The following ALPK3 variants were observed in gnomAD, a reference collection of about 807,000 sequenced individuals.
The protein encoded by ALPK3 is alpha kinase 3.
In ALPK3, 102 loss-of-function variants were observed where a neutral mutation model predicts 140.0. The observed-to-expected ratio is 0.73, with a 90% CI of 0.62 to 0.86. ALPK3 has a LOEUF of 0.86. Among genes scored for constraint, ALPK3 ranks in the 40% least tolerant of loss-of-function variants. The pLI is 0.00. For missense variants in ALPK3, 2,254 were observed against 2,208.2 expected (o/e 1.02, Z -0.42); for synonymous variants, 938 against 898.5 (o/e 1.04, Z -0.79).
At chr15:84,824,554 C>T (rs1279623725) in intron 2 of ALPK3, among the ~76,000 whole-genome samples, 3 of 152,162 alleles carry the variant, frequency 2.0e-5, no homozygotes, top group African/African-American at 4.8e-5. Context: ...GTCCATGGTC[C>T]TTGATGGGGA....
At chr15:84,839,612 G>T in intron 4 of ALPK3, 90 bp from the exon 5 acceptor site, 1 of 1,419,210 alleles carries the variant, frequency 7.0e-7, no homozygotes, top group Non-Finnish European at 9.5e-7. Flanking sequence ...AGGGGGAAGT[G>T]TGCCCGGCTC....
At chr15:84,843,072 G>A (rs1405071741) in intron 5 of ALPK3, among the ~76,000 whole-genome samples, 1 of 152,214 alleles carries the variant, frequency 6.6e-6, no homozygotes, top group East Asian at 1.9e-4. Context: ...AGAGGAGGAA[G>A]TACCAGCCCC....
In ALPK3 at chr15:84,838,976, T is replaced by A. The variant is rs749206428; in HGVS notation, c.305-4T>A. 3.1e-6 allele frequency: 5 copies of A among 1,613,284 alleles called. No individual in the cohort carries two copies. The South Asian group carries it at 5.5e-5, about 18-fold the overall frequency. On this transcript the variant is annotated splice_region_variant and splice_polypyrimidine_tract_variant and intron_variant, in intron 3 of 13. Coordinates refer to ENST00000258888, the MANE Select transcript of ALPK3 (RefSeq NM_020778.5). ...TGTAACCCAGTCTCCTGCTTCTTTC[T>A]CAGGATACCCAGAGCCAGAGGTGAC...
At chr15:84,855,382 T>C (rs1026986952) in intron 5 of ALPK3, among the ~76,000 whole-genome samples, 1 of 152,192 alleles carries the variant, frequency 6.6e-6, no homozygotes, top group Admixed American at 6.5e-5. Context: ...TCTGTTGGCT[T>C]TTGGCAGCTG....
chr15:84,819,648 C>T (rs1168340911), intron 1 of ALPK3, among the ~76,000 whole-genome samples: 1 of 152,200 alleles, frequency 6.6e-6, no homozygotes, highest in Non-Finnish European at 1.5e-5. Flanking sequence ...GAAAGACAGT[C>T]CCTCGAGAAT....
At chr15:84,852,234 A>G (rs1308072712) in intron 5 of ALPK3, among the ~76,000 whole-genome samples, 1 of 152,212 alleles carries the variant, frequency 6.6e-6, no homozygotes, top group Non-Finnish European at 1.5e-5. Flanking sequence ...AATAATGGTT[A>G]CTTGCACGCA....
rs1415475314 is a variant in ALPK3 at position 84,817,514 on chromosome 15, G to A, written c.62G>A (p.Gly21Asp). 1 of 1,478,106 alleles carries A rather than the reference G, an allele frequency of 6.8e-7. No homozygotes were observed. Among genetic ancestry groups the A allele is most frequent in the Admixed American group, 2.3e-5 (1 of 43,564 alleles). The allele number at this position is 1,478,106 out of a possible 1,614,324, so 91.6% of individuals were successfully genotyped here. The change falls in exon 1 of 14, where the codon GGC becomes GAC. Residue 21 changes from glycine to aspartate, a missense_variant. Gly to Asp is a moderately conservative substitution (Grantham distance 94). Around this residue, in one of 3 missense-constraint regions of ALPK3, gnomAD observed 2,088 missense variants for 2,022.9 expected, o/e 1.03. Transcript: ENST00000258888. ...GCGGGTGGGCGGTCGGGGGCGGGGG[G>A]CGACGGTGAGGACGACGGCCCCGTG... ...WGAGGRSGAG[G>D]DGEDDGPVWI...
chr15:84,871,664 C>T lies in ALPK3; in HGVS notation c.*3208C>T, dbSNP rs920735166. On this transcript the variant is annotated 3_prime_UTR_variant, in exon 14 of 14. Coordinates refer to ENST00000258888, the MANE Select transcript of ALPK3 (RefSeq NM_020778.5). The stretch of plus-strand genomic sequence containing the variant: ...GCCGGCTCCAAGCGCATGCTGCCTC[C>T]TGCAGGCCTGACCCAGCCTCTCGGG... 2.0e-5 allele frequency: 3 copies of T among 152,378 alleles called. No individual in the cohort carries two copies. The highest frequency in any genetic ancestry group is 2.9e-5 in the Non-Finnish European group (2 of 68,062). 9.4% of individuals were successfully genotyped at this position (152,378 alleles called of 1,614,324 possible). A position where few individuals can be genotyped will look rare whatever the true frequency, so the allele number is the denominator to read the frequency against.
chr15:84,823,006 C>A (rs993278341), intron 1 of ALPK3, among the ~76,000 whole-genome samples: 2 of 152,260 alleles, frequency 1.3e-5, no homozygotes, highest in Admixed American at 6.5e-5. Context: ...ACATGCCAGG[C>A]AGCTGTAAGC....
Position 84,858,192 on chromosome 15 carries a change from C to G in ALPK3, c.3454C>G (p.Pro1152Ala), listed in dbSNP as rs780056277. ...KFPGEALTGL[P>A]AATPEELALG... ...CCCAGGGGAGGCTCTGACAGGTCTC[C>G]CGGCAGCTACACCTGAGGAACTGGC... Residue 1152 changes from proline (P) to alanine (A), a missense_variant, in exon 6 of 14, where the codon CCG becomes GCG. This residue lies in a region of ALPK3 where 2,088 missense variants were observed against 2,022.9 expected (regional missense o/e 1.03). Coordinates refer to ENST00000258888, the MANE Select transcript of ALPK3 (RefSeq NM_020778.5). The G allele has an allele frequency of 2.4e-5, 39 of 1,612,386 alleles. No individual in the cohort carries two copies. The highest frequency in any genetic ancestry group is 3.3e-5 in the Admixed American group (2 of 59,814).
intron 9 of ALPK3, among the ~76,000 whole-genome samples, chr15:84,860,502 T>C (rs1963930678): frequency 6.6e-6 from 1 of 152,146 alleles, no homozygotes; most frequent in African/African-American, 2.4e-5. Context: ...CCTAGGAATA[T>C]TGCGTTTTCA....
At position 84,871,706 on chromosome 15, in the gene ALPK3, C is replaced by T. The variant is rs749165438; in HGVS notation, c.*3250C>T. 2.6e-5 allele frequency: 4 copies of T among 152,252 alleles called. No individual in the cohort carries two copies. The highest frequency in any genetic ancestry group is 5.9e-5 in the Non-Finnish European group (4 of 68,054). 9.4% of individuals were successfully genotyped at this position (152,252 alleles called of 1,614,324 possible). A position where few individuals can be genotyped will look rare whatever the true frequency, so the allele number is the denominator to read the frequency against. ...CCTCTCGGGGTGTTGTTTCTGGTGC[C>T]ATAGTTGAATTTTCAACAAACCATT... On this transcript the variant is annotated 3_prime_UTR_variant, in exon 14 of 14. Transcript: ENST00000258888.
Position 84,859,342 on chromosome 15 carries a change from T to C in ALPK3, c.3917T>C (p.Val1306Ala), listed in dbSNP as rs145477813. 2 of 1,614,092 alleles carry C rather than the reference T, an allele frequency of 1.2e-6. No individual in the cohort carries two copies. The highest frequency in any genetic ancestry group is 2.2e-5 in the South Asian group (2 of 91,078). Residue 1306 changes from valine to alanine, a missense_variant, in exon 7 of 14, where the codon GTC (valine) becomes GCC (alanine). Around this residue, in one of 3 missense-constraint regions of ALPK3, gnomAD observed 2,088 missense variants for 2,022.9 expected, o/e 1.03. Transcript: ENST00000258888. Reference sequence around the variant, plus strand: ...TTTTTCAACATTCTTAGTGACTCAGTCTTGACATGGGCCAAGGATCAGCGC... The same window carrying C: ...TTTTTCAACATTCTTAGTGACTCAGCCTTGACATGGGCCAAGGATCAGCGC... ...CQFFNILSDS[V>A]LTWAKDQRPV...
chr15:84,840,798 G>C lies in ALPK3; in HGVS notation c.1519G>C (p.Glu507Gln), dbSNP rs180863308. The C allele has an allele frequency of 6.2e-7, 1 of 1,614,256 alleles. No individual in the cohort carries two copies. Among genetic ancestry groups the C allele is most frequent in the Admixed American group, 1.7e-5 (1 of 60,036 alleles). The change falls in exon 5 of 14, where the codon GAA becomes CAA. Residue 507 changes from glutamate to glutamine, a missense_variant. Around this residue, in one of 3 missense-constraint regions of ALPK3, gnomAD observed 2,088 missense variants for 2,022.9 expected, o/e 1.03. Transcript: ENST00000258888. Reference sequence around the variant, plus strand: ...CATTTCTTCTCTGAGTCAAGCTCCAGAATGCGGGGCCCAGAGCTTAGGAAA... The same window carrying C: ...CATTTCTTCTCTGAGTCAAGCTCCACAATGCGGGGCCCAGAGCTTAGGAAA... ...KPISSLSQAP[E>Q]CGAQSLGKAP... is the part of the protein sequence containing the mutation.
Position 84,873,388 on chromosome 15 carries a change from T to G in ALPK3, c.*4932T>G, listed in dbSNP as rs1052491706. On this transcript the variant is annotated 3_prime_UTR_variant, in exon 14 of 14. Coordinates refer to ENST00000258888, the MANE Select transcript of ALPK3 (RefSeq NM_020778.5). ...TTGTATTAGCCAAGCCCTCCTAAAA[T>G]AGTAATAACAGTATCTGGCGATTTG... 6.6e-6 allele frequency: 1 copy of G among 152,182 alleles called. No homozygotes were observed. Among genetic ancestry groups the G allele is most frequent in the African/African-American group, 2.4e-5 (1 of 41,438 alleles). 9.4% of individuals were successfully genotyped at this position (152,182 alleles called of 1,614,324 possible).
chr15:84,865,310 A>C (rs1367016681), intron 12 of ALPK3, among the ~76,000 whole-genome samples: 1 of 152,078 alleles, frequency 6.6e-6, no homozygotes, highest in Non-Finnish European at 1.5e-5. Flanking sequence ...GGGGAAGGAG[A>C]GGTTGCTGGG....
At chr15:84,847,211 GAGAGAGAGA>G (rs1963741877) in intron 5 of ALPK3, among the ~76,000 whole-genome samples, 4 of 24,482 alleles carry the variant, frequency 1.6e-4, no homozygotes, top group African/African-American at 6.1e-4. Flanking sequence ...GAAACGGGGA[GAGAGAGAGA>G]GAGAGAGAGA....
intron 3 of ALPK3, among the ~76,000 whole-genome samples, chr15:84,832,364 G>A (rs746889713): frequency 3.3e-5 from 5 of 152,110 alleles, no homozygotes; most frequent in Non-Finnish European, 7.4e-5. Context: ...CTCCTTGCCT[G>A]TTCACTTCAT....
At chr15:84,826,861 G>A (rs189819646) in intron 2 of ALPK3, among the ~76,000 whole-genome samples, 1 of 152,192 alleles carries the variant, frequency 6.6e-6, no homozygotes, top group East Asian at 1.9e-4. Context: ...ATTTCGGCTG[G>A]GTCTCTCCTT....
Sources: allele counts gnomAD v4.1 joint callset (sites outside exome capture counted in the v4.1 genomes callset), GRCh38; gene constraint gnomAD v4.1.1; regional missense constraint gnomAD v4.1.1; transcripts MANE v1.5; gene names NCBI Gene and HGNC (gene_info 2026-07-23, HGNC 2026-07-21).